Variants in CEP85L observed in about 807,000 individuals in gnomAD.
CEP85L encodes the protein centrosomal protein 85L.
A neutral mutation model predicts 100.3 loss-of-function variants in CEP85L; 60 were observed. The observed-to-expected ratio is 0.60, with a 90% CI of 0.49 to 0.74. The LOEUF (loss-of-function observed/expected upper bound fraction) is 0.74. Ranked by LOEUF, CEP85L falls within the 30% of genes least tolerant of loss-of-function variation. The pLI, the probability that CEP85L is intolerant of heterozygous loss-of-function variation, is 0.00. For synonymous variants in CEP85L, 319 were observed against 322.7 expected, an observed-to-expected ratio of 0.99 and a Z score of 0.12; for missense variants, 973 against 936.2, an observed-to-expected ratio of 1.04 and a Z score of -0.51.
intron 3 of CEP85L, among the ~76,000 whole-genome samples, chr6:118,527,135 C>T (rs1582981732): frequency 1.3e-5 from 2 of 151,766 alleles, no homozygotes. Context: ...CTGCCTCGCC[C>T]TCCTGAGTAG....
intron 2 of CEP85L, among the ~76,000 whole-genome samples, chr6:118,615,890 G>T (rs1457682539): frequency 3.3e-5 from 5 of 152,174 alleles, no homozygotes; most frequent in Non-Finnish European, 7.3e-5. Context: ...ATAAATTTGG[G>T]TCTGGTGTCT....
intron 1 of CEP85L, among the ~76,000 whole-genome samples, chr6:118,685,418 G>A (rs2114279175): frequency 6.6e-6 from 1 of 151,846 alleles, no homozygotes; most frequent in East Asian, 1.9e-4. Flanking sequence ...CCTTTTACTG[G>A]GTCAGCCAAC....
At chr6:118,562,028 T>C (rs1341240753) in intron 3 of CEP85L, among the ~76,000 whole-genome samples, 5 of 152,162 alleles carry the variant, frequency 3.3e-5, no homozygotes, top group East Asian at 1.9e-4. Flanking sequence ...TAATATTACA[T>C]AGAAAACTTG....
At chr6:118,693,285 C>A (rs908593216) in intron 1 of CEP85L, among the ~76,000 whole-genome samples, 1 of 152,096 alleles carries the variant, frequency 6.6e-6, no homozygotes, top group Non-Finnish European at 1.5e-5. Context: ...TTCATTGAGT[C>A]AATTATTAAT....
chr6:118,468,096 C>T (rs78757409), intron 12 of CEP85L, among the ~76,000 whole-genome samples: 53,264 of 151,994 alleles, frequency 0.35, 10,336 homozygotes, highest in Non-Finnish European at 0.45. Context: ...TGTGTTTTTT[C>T]GATATCCACA....
chr6:118,580,514 A>C (rs929406653), intron 2 of CEP85L, among the ~76,000 whole-genome samples: 3 of 152,214 alleles, frequency 2.0e-5, no homozygotes, highest in Non-Finnish European at 4.4e-5. Flanking sequence ...CTGCTGTTCT[A>C]AAGACTCAGA....
chr6:118,505,582 T>TA, intron 5 of CEP85L, among the ~76,000 whole-genome samples: 1 of 152,074 alleles, frequency 6.6e-6, no homozygotes, highest in African/African-American at 2.4e-5. Context: ...CATGAAAAGA[T>TA]ATAGAGGAAA....
At chr6:118,643,023 C>T (rs1016471369) in intron 1 of CEP85L, among the ~76,000 whole-genome samples, 15 of 152,202 alleles carry the variant, frequency 9.9e-5, no homozygotes, top group African/African-American at 3.1e-4. Context: ...ACTAATGAGG[C>T]TGTTCATAAA....
chr6:118,549,215 A>G (rs1778389889), intron 3 of CEP85L, among the ~76,000 whole-genome samples: 1 of 151,938 alleles, frequency 6.6e-6, no homozygotes, highest in African/African-American at 2.4e-5. Context: ...ATTTCTGCCT[A>G]TTAATGCCTA....
At chr6:118,474,803 GC>G (rs1168904414) in intron 10 of CEP85L, among the ~76,000 whole-genome samples, 1 of 152,168 alleles carries the variant, frequency 6.6e-6, no homozygotes, top group African/African-American at 2.4e-5. Context: ...AAGCCTTAGA[GC>G]ACTCAAAAAC....
chr6:118,678,479 T>C (rs1231298060), intron 1 of CEP85L, among the ~76,000 whole-genome samples: 1 of 152,176 alleles, frequency 6.6e-6, no homozygotes, highest in Non-Finnish European at 1.5e-5. Context: ...TATATTTGTC[T>C]ACCTCTACAC....
At chr6:118,702,356 T>A (rs1159126807) in intron 1 of CEP85L, among the ~76,000 whole-genome samples, 2 of 151,814 alleles carry the variant, frequency 1.3e-5, no homozygotes, top group Non-Finnish European at 2.9e-5. Flanking sequence ...ACAAAATATA[T>A]TTTAAATTAG....
At chr6:118,554,156 C>T (rs754266098) in intron 3 of CEP85L, among the ~76,000 whole-genome samples, 1 of 152,018 alleles carries the variant, frequency 6.6e-6, no homozygotes, top group Non-Finnish European at 1.5e-5. Flanking sequence ...GGCATGGTGG[C>T]GCACACCTGT....
intron 5 of CEP85L, among the ~76,000 whole-genome samples, chr6:118,510,775 C>T (rs1490391256): frequency 6.6e-6 from 1 of 152,096 alleles, no homozygotes; most frequent in Non-Finnish European, 1.5e-5. Flanking sequence ...TTCTTTACAG[C>T]ATCATTTACA....
intron 2 of CEP85L, among the ~76,000 whole-genome samples, chr6:118,569,694 T>C (rs1011946246): frequency 2.0e-5 from 3 of 151,722 alleles, no homozygotes; most frequent in Non-Finnish European, 2.9e-5. Context: ...GTTATTATGA[T>C]GTCATTAAAA....
chr6:118,635,147 A>G (rs984187952), intron 1 of CEP85L, among the ~76,000 whole-genome samples: 5 of 152,214 alleles, frequency 3.3e-5, no homozygotes, highest in African/African-American at 1.2e-4. Flanking sequence ...ATCCTAAGGA[A>G]ATATCAGACA....
intron 4 of CEP85L, among the ~76,000 whole-genome samples, chr6:118,520,236 A>T (rs1776577556): frequency 6.6e-6 from 1 of 152,218 alleles, no homozygotes; most frequent in African/African-American, 2.4e-5. Flanking sequence ...GGAAATAAAA[A>T]GACTCTATAC....
chr6:118,543,205 A>G (rs1054616921), intron 3 of CEP85L, among the ~76,000 whole-genome samples: 1 of 152,172 alleles, frequency 6.6e-6, no homozygotes, highest in Non-Finnish European at 1.5e-5. Context: ...CACACACGTC[A>G]AAGTGTGAAC....
chr6:118,462,773 G>A lies in CEP85L; in HGVS notation c.*2632C>T, dbSNP rs1285530955. ...TCTAACAGTAAAATCTGTTTTTAAT[G>A]TGATACAGAAGAGGATATTCTAATA... On this transcript the variant is annotated 3_prime_UTR_variant, in exon 13 of 13. Transcript: ENST00000368491. The A allele has an allele frequency of 1.3e-5, 2 of 151,862 alleles. No homozygotes were observed. Among genetic ancestry groups the A allele is most frequent in the Non-Finnish European group, 2.9e-5 (2 of 67,856 alleles). 9.4% of individuals were successfully genotyped at this position (151,862 alleles called of 1,614,324 possible).
Sources: allele counts gnomAD v4.1 joint callset (sites outside exome capture counted in the v4.1 genomes callset), GRCh38; gene constraint gnomAD v4.1.1; transcripts MANE v1.5; gene names NCBI Gene and HGNC (gene_info 2026-07-23, HGNC 2026-07-21).